Variants in DOCK10 observed in about 807,000 individuals in gnomAD.
DOCK10 encodes dedicator of cytokinesis 10, also known as dedicator of cytokinesis protein 10.
DOCK10 carries 145 observed loss-of-function variants against 280.1 expected under a neutral mutation model. The ratio of observed to expected loss-of-function variants is 0.52; its 90% confidence interval spans 0.45 to 0.59. The LOEUF (loss-of-function observed/expected upper bound fraction) is 0.59. Ranked by LOEUF, DOCK10 falls within the 20% of genes least tolerant of loss-of-function variation. The pLI, the probability that DOCK10 is intolerant of heterozygous loss-of-function variation, is 0.00. For synonymous variants in DOCK10, 915 were observed against 942.2 expected (o/e 0.97, Z 0.53); for missense variants, 2,368 against 2,651.7 (o/e 0.89, Z 2.35).
chr2:225,040,946 C>A (rs902967909), intron 1 of DOCK10, among the ~76,000 whole-genome samples: 9 of 152,138 alleles, frequency 5.9e-5, no homozygotes, highest in Non-Finnish European at 1.0e-4. Flanking sequence ...ACAGAGTGAG[C>A]TAACAGTTGA....
At chr2:224,815,119 G>A (rs752085970) in intron 30 of DOCK10, among the ~76,000 whole-genome samples, 12 of 152,084 alleles carry the variant, frequency 7.9e-5, no homozygotes, top group East Asian at 1.9e-4. Flanking sequence ...AGTTTCCCCC[G>A]TGCTGTTCTC....
At chr2:224,783,171 T>C (rs1423354183) in intron 50 of DOCK10, among the ~76,000 whole-genome samples, 1 of 152,212 alleles carries the variant, frequency 6.6e-6, no homozygotes, top group Non-Finnish European at 1.5e-5. Context: ...TGGTTCTCCT[T>C]GTTCAAAGGT....
intron 3 of DOCK10, among the ~76,000 whole-genome samples, chr2:224,900,030 A>C (rs752749639): frequency 1.6e-4 from 24 of 152,196 alleles, no homozygotes; most frequent in Non-Finnish European, 3.1e-4. Flanking sequence ...AAATTTCTGC[A>C]GCATCATTTC....
At chr2:224,935,771 A>G (rs907702518) in intron 1 of DOCK10, among the ~76,000 whole-genome samples, 12 of 152,226 alleles carry the variant, frequency 7.9e-5, no homozygotes, top group Non-Finnish European at 1.8e-4. Context: ...CATCAGTATT[A>G]TAAATTTAAT....
chr2:224,778,627 C>T lies in DOCK10; in HGVS notation c.5656-343G>A, dbSNP rs543572397. On this transcript the variant is annotated intron_variant, in intron 50 of 55. Coordinates refer to ENST00000258390, the MANE Select transcript of DOCK10 (RefSeq NM_014689.3). ...TCTTGTGGCAGCTTGGGGTAGAACACGAAATATGGAGCAATTTTTGGCAGC... is the reference window on the plus strand; with the variant it reads ...TCTTGTGGCAGCTTGGGGTAGAACATGAAATATGGAGCAATTTTTGGCAGC... Among the ~76,000 whole-genome samples the T allele has an allele frequency of 1.2e-3, 188 of 152,152 alleles. 1 individual carries two copies. The highest frequency in any genetic ancestry group is 1.8e-3 in the Admixed American group (27 of 15,292).
chr2:224,805,975 A>C lies in DOCK10; in HGVS notation c.3814+151T>G, dbSNP rs1693369808. The C allele has an allele frequency of 3.6e-6, 2 of 549,300 alleles. No individual in the cohort carries two copies. Among genetic ancestry groups the C allele is most frequent in the South Asian group, 5.5e-5 (2 of 36,408 alleles). 34.0% of individuals were successfully genotyped at this position (549,300 alleles called of 1,614,324 possible). On this transcript the variant is annotated intron_variant, in intron 34 of 55. Transcript: ENST00000258390. The surrounding 1 kb of genome is among the most constrained non-coding windows in gnomAD (Gnocchi z 4.3). The stretch of plus-strand genomic sequence containing the variant: ...GTCACTGGATGGAATTCAAAGAAAT[A>C]TGTAAAAAGACTCTTTGGTTGTATA...
Position 224,802,055 on chromosome 2 carries a change from A to G in DOCK10, c.4269-15T>C, listed in dbSNP as rs1693051986. 1.2e-6 allele frequency: 2 copies of G among 1,610,886 alleles called. No homozygotes were observed. The highest frequency in any genetic ancestry group is 1.3e-5 in the African/African-American group (1 of 74,804). ...TGGAGTGCATCCTGAAAACAAAAAA[A>G]GAAAAGTGGTTAGAGTTATTTGGGG... On this transcript the variant is annotated splice_polypyrimidine_tract_variant and intron_variant, in intron 39 of 55. Coordinates refer to ENST00000258390, the MANE Select transcript of DOCK10 (RefSeq NM_014689.3).
At chr2:224,906,335 A>G (rs1700632024) in intron 3 of DOCK10, among the ~76,000 whole-genome samples, 1 of 152,208 alleles carries the variant, frequency 6.6e-6, no homozygotes, top group Non-Finnish European at 1.5e-5. Context: ...CTGGACTATT[A>G]AAACAAATAG....
Position 224,970,428 on chromosome 2 carries a change from G to T in DOCK10, c.124-38760C>A, listed in dbSNP as rs1705016799. On this transcript the variant is annotated intron_variant, in intron 1 of 55. Transcript: ENST00000258390. This position sits in a 1 kb window ranked among gnomAD's most constrained non-coding sequence, Gnocchi z 4.6. The stretch of plus-strand genomic sequence containing the variant: ...ATCCGAAGTCCTACAGTTCTCAAAA[G>T]GCACAACAAGCCTGATATCAATACC... Among the ~76,000 whole-genome samples, 1 of 152,162 alleles carries T rather than the reference G, an allele frequency of 6.6e-6. No individual in the cohort carries two copies. The highest frequency in any genetic ancestry group is 6.5e-5 in the Admixed American group (1 of 15,280).
intron 50 of DOCK10, chr2:224,784,847 T>G: frequency 1.9e-6 from 2 of 1,079,870 alleles, no homozygotes; most frequent in Non-Finnish European, 2.5e-6. Context: ...CCATATCTCA[T>G]ATATTGGTTG....
At chr2:224,829,328 T>C (rs1030757253) in intron 27 of DOCK10, among the ~76,000 whole-genome samples, 3 of 152,220 alleles carry the variant, frequency 2.0e-5, no homozygotes, top group Non-Finnish European at 4.4e-5. Flanking sequence ...TAATTTGTAT[T>C]AATAAAACTG....
chr2:224,864,266 G>C (rs1697718864), intron 13 of DOCK10, among the ~76,000 whole-genome samples: 1 of 152,192 alleles, frequency 6.6e-6, no homozygotes, highest in Non-Finnish European at 1.5e-5. Flanking sequence ...CCAGCACTTT[G>C]GGAGTCCAAG....
At chr2:224,961,422 CTT>C (rs1166913735) in intron 1 of DOCK10, among the ~76,000 whole-genome samples, 1 of 111,150 alleles carries the variant, frequency 9.0e-6, no homozygotes, top group Admixed American at 9.8e-5. Flanking sequence ...CTCTTTCTTT[CTT>C]TCTTTCTTTC....
In DOCK10 at chr2:225,042,054, C is replaced by G. The variant is rs1231517596; in HGVS notation, c.123+198G>C. Reference sequence around the variant, plus strand: ...CGTCCCGCGTGCACAAACGCGCCCCCGGTCCTTACGCGTCGGTGGCGCTGC... The same window carrying G: ...CGTCCCGCGTGCACAAACGCGCCCCGGGTCCTTACGCGTCGGTGGCGCTGC... On this transcript the variant is annotated intron_variant, in intron 1 of 55. Coordinates refer to ENST00000258390, the MANE Select transcript of DOCK10 (RefSeq NM_014689.3). The surrounding 1 kb of genome is among the most constrained non-coding windows in gnomAD (Gnocchi z 5.1). Among the ~76,000 whole-genome samples, 2 of 152,222 alleles carry G rather than the reference C, an allele frequency of 1.3e-5. No individual in the cohort carries two copies. The highest frequency in any genetic ancestry group is 1.3e-4 in the Admixed American group (2 of 15,288).
At chr2:225,009,517 T>C (rs1689372916) in intron 1 of DOCK10, among the ~76,000 whole-genome samples, 1 of 152,008 alleles carries the variant, frequency 6.6e-6, no homozygotes, top group Non-Finnish European at 1.5e-5. Context: ...TCTCCCTGAG[T>C]GTCTCCCTAC....
intron 11 of DOCK10, among the ~76,000 whole-genome samples, chr2:224,872,375 T>C (rs1698346093): frequency 6.6e-6 from 1 of 152,192 alleles, no homozygotes. Context: ...ATTATCTCCA[T>C]TTAAAGGAGT....
chr2:224,788,676 T>C (rs1350560036), intron 48 of DOCK10, among the ~76,000 whole-genome samples: 2 of 152,200 alleles, frequency 1.3e-5, no homozygotes, highest in Non-Finnish European at 1.5e-5. Context: ...TTATTTTCCA[T>C]AACAGAAGGT....
intron 1 of DOCK10, among the ~76,000 whole-genome samples, chr2:224,967,602 C>T (rs956680419): frequency 2.6e-4 from 40 of 152,168 alleles, no homozygotes; most frequent in African/African-American, 9.2e-4. Context: ...CTTACCAAAT[C>T]GCACCAGGAA....
At chr2:225,035,572 A>ATTTTATATATATATATATATATAT (rs397869895) in intron 1 of DOCK10, among the ~76,000 whole-genome samples, 1 of 69,956 alleles carries the variant, frequency 1.4e-5, no homozygotes, top group African/African-American at 5.0e-5. Context: ...ATATATATAT[A>ATTTTATATATATATATATATATAT]TATATATATA....
Sources: gnomAD v4.1 joint callset for allele counts (sites outside exome capture counted in the v4.1 genomes callset) on GRCh38, gnomAD v4.1.1 for gene constraint, Gnocchi (gnomAD v3.1) non-coding constraint, MANE v1.5 for transcripts, NCBI Gene and HGNC (gene_info 2026-07-23, HGNC 2026-07-21) for gene names.